RSAD2: variants seen among roughly 807,000 people sequenced by gnomAD.
The protein encoded by RSAD2 is S-adenosylmethionine-dependent nucleotide dehydratase RSAD2.
RSAD2 carries 38 observed loss-of-function variants against 37.7 expected under a neutral mutation model. The observed-to-expected ratio is 1.01, with a 90% confidence interval of 0.78 to 1.32. The LOEUF is 1.32. RSAD2 is among the 40% of genes most tolerant of loss of function. The pLI, the probability that RSAD2 is intolerant of heterozygous loss-of-function variation, is 0.00. For missense variants in RSAD2, 428 were observed against 437.5 expected (o/e 0.98, Z 0.19); for synonymous variants, 163 against 157.4 (o/e 1.04, Z -0.27).
At chr2:6,895,603 T>C (rs1295606683) in intron 5 of RSAD2, among the ~76,000 whole-genome samples, 175 bp from the exon 6 acceptor site, 1 of 152,206 alleles carries the variant, frequency 6.6e-6, no homozygotes, top group African/African-American at 2.4e-5. Context: ...CACCAGACCA[T>C]GAGCTGGTTG....
intron 1 of RSAD2, chr2:6,866,551 A>G: frequency 3.5e-6 from 3 of 847,618 alleles, no homozygotes; most frequent in Non-Finnish European, 4.3e-6. Flanking sequence ...AGTTTCCTGC[A>G]CTAAGGTGAA....
chr2:6,882,389 G>A (rs188413397), intron 1 of RSAD2, among the ~76,000 whole-genome samples: 430 of 151,826 alleles, frequency 2.8e-3, no homozygotes, highest in South Asian at 5.2e-3. Context: ...TCTGGGGAAT[G>A]AAAAATGGGG....
intron 1 of RSAD2, 78 bp downstream of exon 1, chr2:6,878,224 A>C (rs1663327467): frequency 8.1e-7 from 1 of 1,228,016 alleles, no homozygotes; most frequent in Non-Finnish European, 1.1e-6. Flanking sequence ...GGCTGGGGGT[A>C]TGCACAAGCT....
intron 3 of RSAD2, among the ~76,000 whole-genome samples, chr2:6,888,885 G>A (rs1663573912): frequency 6.6e-6 from 1 of 152,180 alleles, no homozygotes; most frequent in Non-Finnish European, 1.5e-5. Flanking sequence ...GAGGCTGTGG[G>A]CTGGAAGGTG....
At position 6,890,326 on chromosome 2, in the gene RSAD2, G is replaced by A. The variant is rs1428491528; in HGVS notation, c.888+1G>A. 5.0e-6 allele frequency: 8 copies of A among 1,613,294 alleles called. No individual in the cohort carries two copies. Among genetic ancestry groups the A allele is most frequent in the African/African-American group, 1.3e-5 (1 of 74,858 alleles). On this transcript the variant is annotated splice_donor_variant, in intron 4 of 5. Transcript: ENST00000382040. LOFTEE classifies it high-confidence loss of function. ...CTTGGTGCCTGAATCTAACCAGAAG[G>A]TTGTATAAAGCAAAAGTTGTTTTCT...
chr2:6,878,150 A>G lies in RSAD2; in HGVS notation c.346+4A>G, dbSNP rs768263695. The G allele has an allele frequency of 6.2e-7, 1 of 1,610,718 alleles. No individual in the cohort carries two copies. The highest frequency in any genetic ancestry group is 8.5e-7 in the Non-Finnish European group (1 of 1,178,264). On this transcript the variant is annotated splice_donor_region_variant and intron_variant, in intron 1 of 5. Coordinates refer to ENST00000382040, the MANE Select transcript of RSAD2 (RefSeq NM_080657.5). ...TTGCTTTTGCTTAAGGAAGCTGGTGAGTACATGGTCCTAGACAGAAATCAG... is the reference window on the plus strand; with the variant it reads ...TTGCTTTTGCTTAAGGAAGCTGGTGGGTACATGGTCCTAGACAGAAATCAG...
chr2:6,878,819 A>G, intron 1 of RSAD2: 1 of 1,204,910 alleles, frequency 8.3e-7, no homozygotes, highest in Non-Finnish European at 1.1e-6. Flanking sequence ...TCTTTCCTAG[A>G]GTACCTTCTC....
At chr2:6,895,217 T>C (rs1013004177) in intron 5 of RSAD2, among the ~76,000 whole-genome samples, 6 of 152,214 alleles carry the variant, frequency 3.9e-5, no homozygotes, top group African/African-American at 4.8e-5. Flanking sequence ...GCACCTGCCA[T>C]GGAAGACTCC....
intron 4 of RSAD2, among the ~76,000 whole-genome samples, chr2:6,892,667 G>C (rs979343208): frequency 6.6e-6 from 1 of 152,196 alleles, no homozygotes; most frequent in Non-Finnish European, 1.5e-5. Flanking sequence ...GGGATCTTGT[G>C]AAAGGGCAGA....
At chr2:6,889,631 T>C (rs1663591461) in intron 3 of RSAD2, among the ~76,000 whole-genome samples, 1 of 152,210 alleles carries the variant, frequency 6.6e-6, no homozygotes, top group Non-Finnish European at 1.5e-5. Flanking sequence ...TATTTTCAAA[T>C]GATGGTAGTA....
At chr2:6,887,203 A>T in intron 3 of RSAD2, 39 bp downstream of exon 3, 1 of 1,491,548 alleles carries the variant, frequency 6.7e-7, no homozygotes, top group Non-Finnish European at 9.3e-7. Context: ...TTCCTTCAAG[A>T]AAACTTTCAG....
intron 1 of RSAD2, among the ~76,000 whole-genome samples, chr2:6,881,083 T>C (rs1417263322): frequency 6.6e-6 from 1 of 152,200 alleles, no homozygotes; most frequent in Non-Finnish European, 1.5e-5. Flanking sequence ...TATTCTTCCA[T>C]CCCTTCTAAA....
At chr2:6,888,695 C>A (rs775499761) in intron 3 of RSAD2, among the ~76,000 whole-genome samples, 4 of 152,196 alleles carry the variant, frequency 2.6e-5, no homozygotes, top group Admixed American at 6.5e-5. Flanking sequence ...TGTAGATTTG[C>A]CATCAAGATC....
chr2:6,891,527 G>C (rs6748514), intron 4 of RSAD2, among the ~76,000 whole-genome samples: 8,917 of 152,180 alleles, frequency 0.059, 361 homozygotes, highest in African/African-American at 0.11. Flanking sequence ...CAGCACTTTG[G>C]GGGGCTGAGA....
intron 1 of RSAD2, among the ~76,000 whole-genome samples, chr2:6,871,025 C>A (rs1312096828): frequency 1.3e-5 from 2 of 152,178 alleles, no homozygotes; most frequent in Non-Finnish European, 2.9e-5. Context: ...ACTTGCCAGT[C>A]TACACACACA....
intron 4 of RSAD2, among the ~76,000 whole-genome samples, chr2:6,891,457 T>TAA (rs1340326124): frequency 6.6e-6 from 1 of 152,182 alleles, no homozygotes; most frequent in East Asian, 1.9e-4. Context: ...TATGTAAAGA[T>TAA]ATGTTACTGC....
chr2:6,889,902 A>T (rs1480131746), intron 3 of RSAD2, among the ~76,000 whole-genome samples: 1 of 152,170 alleles, frequency 6.6e-6, no homozygotes, highest in South Asian at 2.1e-4. Flanking sequence ...ATAAGTACCT[A>T]TTATTTTGTT....
Position 6,877,836 on chromosome 2 carries a change from G to C in RSAD2, c.36G>C (p.Lys12Asn), listed in dbSNP as rs745939425. Residue 12 changes from lysine (K) to asparagine (N), a missense_variant, in exon 1 of 6, where the codon AAG becomes AAC. Transcript: ENST00000382040. The part of the protein sequence containing the change: ...WVLTPAAFAG[K>N]LLSVFRQPLS... Reference sequence around the variant, plus strand: ...TTACACCTGCTGCTTTTGCTGGGAAGCTCTTGAGTGTGTTCAGGCAACCTC... The same window carrying C: ...TTACACCTGCTGCTTTTGCTGGGAACCTCTTGAGTGTGTTCAGGCAACCTC... 34 of 1,613,972 alleles carry C rather than the reference G, an allele frequency of 2.1e-5. 1 individual carries two copies. The South Asian group carries it at 3.0e-4, about 14-fold the overall frequency.
At chr2:6,867,657 C>T (rs760452217) in intron 1 of RSAD2, among the ~76,000 whole-genome samples, 11 of 152,154 alleles carry the variant, frequency 7.2e-5, no homozygotes, top group Non-Finnish European at 1.5e-4. Flanking sequence ...TCCACAGTCA[C>T]GTGCCAGTCT....
Sources: allele counts gnomAD v4.1 joint callset (sites outside exome capture counted in the v4.1 genomes callset), GRCh38; gene constraint gnomAD v4.1.1; transcripts MANE v1.5; gene names NCBI Gene and HGNC (gene_info 2026-07-23, HGNC 2026-07-21).